ARMC2: variants seen among roughly 807,000 people sequenced by gnomAD.
ARMC2 encodes the protein armadillo repeat-containing protein 2.
Under a neutral mutation model 90.3 loss-of-function variants are expected in ARMC2, and 67 were observed. The observed-to-expected ratio is 0.74, with a 90% confidence interval of 0.61 to 0.91. The LOEUF (loss-of-function observed/expected upper bound fraction) is 0.91. Ranked by LOEUF, ARMC2 falls within the 40% of genes least tolerant of loss-of-function variation. The pLI is 0.00. For synonymous variants in ARMC2, 393 were observed against 393.0 expected (o/e 1.00, Z 0.00); for missense variants, 920 against 1,030.9 (o/e 0.89, Z 1.47).
chr6:108,962,417 C>T (rs1778062497), intron 15 of ARMC2, among the ~76,000 whole-genome samples: 1 of 152,032 alleles, frequency 6.6e-6, no homozygotes, highest in Non-Finnish European at 1.5e-5. Flanking sequence ...AAGACATTCT[C>T]TTTTATGTAC....
the ARMC2 span, among the ~76,000 whole-genome samples, chr6:108,981,186 A>AT: frequency 1.1e-4 from 16 of 152,128 alleles, no homozygotes; most frequent in African/African-American, 3.9e-4. Context: ...CTCGCCAAAC[A>AT]GCCCCCTTCA....
At chr6:109,033,922 G>A in the ARMC2 span, among the ~76,000 whole-genome samples, 1 of 152,174 alleles carries the variant, frequency 6.6e-6, no homozygotes, top group East Asian at 1.9e-4. Context: ...CGGAGGCAAG[G>A]CTCAAAGCAT....
chr6:108,921,178 ATTGT>A (rs1353412518), intron 10 of ARMC2, among the ~76,000 whole-genome samples: 6 of 152,282 alleles, frequency 3.9e-5, no homozygotes, highest in South Asian at 2.1e-4. Context: ...GCCATTCTAG[ATTGT>A]TTGTATGATA....
At chr6:108,864,423 A>G (rs889697001) in intron 3 of ARMC2, among the ~76,000 whole-genome samples, 14 of 151,702 alleles carry the variant, frequency 9.2e-5, no homozygotes, top group African/African-American at 3.4e-4. Flanking sequence ...TAATTTTTAT[A>G]TTTTTAGTAG....
At chr6:108,891,119 T>G (rs1353835597) in intron 5 of ARMC2, among the ~76,000 whole-genome samples, 1 of 152,226 alleles carries the variant, frequency 6.6e-6, no homozygotes, top group Non-Finnish European at 1.5e-5. Context: ...CCATGGTGTA[T>G]ATGTGCCACA....
rs1562332877 is a variant in ARMC2, at chr6:108,868,967, G to T, written c.435G>T (p.Leu145=). 6.2e-7 allele frequency: 1 copy of T among 1,613,534 alleles called. No individual in the cohort carries two copies. The highest frequency in any genetic ancestry group is 1.1e-5 in the South Asian group (1 of 91,024). ...GGGCTGCCTCCCAGCGGGCCCTTCT[G>T]CCGGACAGATCCCTTCCTCCCTCCG... ...LFRAASQRAL[L]PDRSLPPSDS... Residue 145 remains leucine, a synonymous_variant, in exon 4 of 18, where the codon CTG becomes CTT. Transcript: ENST00000392644.
chr6:109,006,336 A>C, the ARMC2 span, among the ~76,000 whole-genome samples: 324 of 152,156 alleles, frequency 2.1e-3, 2 homozygotes, highest in African/African-American at 7.4e-3. Context: ...TCTAGGGTAC[A>C]TGTGCACAAT....
intron 1 of ARMC2, among the ~76,000 whole-genome samples, chr6:108,852,942 A>G (rs187178037): frequency 6.6e-6 from 1 of 152,290 alleles, no homozygotes. Context: ...AATTGTGTAT[A>G]TATTTTAAAT....
chr6:108,965,512 A>C (rs1778303196), intron 17 of ARMC2, among the ~76,000 whole-genome samples: 1 of 152,140 alleles, frequency 6.6e-6, no homozygotes, highest in African/African-American at 2.4e-5. Flanking sequence ...CATGCTTTTA[A>C]ATGAAGCTAT....
chr6:109,046,931 C>A, the ARMC2 span, among the ~76,000 whole-genome samples: 1 of 120,964 alleles, frequency 8.3e-6, no homozygotes, highest in Non-Finnish European at 1.8e-5. Context: ...GCCCGGCAGC[C>A]ACCCCATCTG....
At chr6:108,991,075 ACAACAAC>A in the ARMC2 span, among the ~76,000 whole-genome samples, 15 of 149,612 alleles carry the variant, frequency 1.0e-4, no homozygotes, top group South Asian at 2.1e-4. Flanking sequence ...TCAAAAAAAA[ACAACAAC>A]AAAAAAAAAC....
At chr6:108,927,383 G>A (rs1676030929) in intron 10 of ARMC2, among the ~76,000 whole-genome samples, 1 of 152,220 alleles carries the variant, frequency 6.6e-6, no homozygotes, top group African/African-American at 2.4e-5. Context: ...CAGGCTGATG[G>A]GTGGTGAGGC....
chr6:109,028,844 C>T, the ARMC2 span, among the ~76,000 whole-genome samples: 3 of 152,094 alleles, frequency 2.0e-5, no homozygotes, highest in South Asian at 6.2e-4. Context: ...AGAACAACCC[C>T]CAAACTTTCC....
At chr6:108,984,419 A>G in the ARMC2 span, among the ~76,000 whole-genome samples, 1 of 152,172 alleles carries the variant, frequency 6.6e-6, no homozygotes, top group South Asian at 2.1e-4. Context: ...GGCACACTCT[A>G]GCTGTGTCCT....
chr6:108,991,315 C>CACT, the ARMC2 span, among the ~76,000 whole-genome samples: 6 of 152,144 alleles, frequency 3.9e-5, no homozygotes, highest in Non-Finnish European at 8.8e-5. Flanking sequence ...GATCACAGCT[C>CACT]ACTGCAGTCT....
chr6:108,967,637 A>G (rs1048346959), intron 17 of ARMC2, among the ~76,000 whole-genome samples: 3 of 152,218 alleles, frequency 2.0e-5, no homozygotes, highest in African/African-American at 7.2e-5. Flanking sequence ...ACGTTAAACC[A>G]TCTCTAGACT....
chr6:108,873,235 A>AT (rs1582975671), intron 4 of ARMC2, among the ~76,000 whole-genome samples: 2 of 151,316 alleles, frequency 1.3e-5, no homozygotes, highest in South Asian at 2.1e-4. Context: ...TCTTTCTTTG[A>AT]TTTTTTTTCT....
rs869186045 is a variant in ARMC2 at position 108,890,189 on chromosome 6, CAAAAAAAAAAAAAAAAAAAAAAAAAAAA to C, written c.672-4265_672-4238del. Among the ~76,000 whole-genome samples the C allele has an allele frequency of 7.8e-4, 50 of 64,250 alleles. 1 individual carries two copies. The East Asian group carries it at 0.035, about 45-fold the overall frequency. The allele number at this position is 64,250 out of a possible 152,430, so 42.2% of individuals were successfully genotyped here. A position where few individuals can be genotyped will look rare whatever the true frequency, so the allele number is the denominator to read the frequency against. On this transcript the variant is annotated intron_variant, in intron 5 of 17. Coordinates refer to ENST00000392644, the MANE Select transcript of ARMC2 (RefSeq NM_032131.6). ...TGGGTGACAGAGCGAGACTCCGTCTCAAAAAAAAAAAAAAAAAAAAAAAAAAAAAAAAAAAAAAAACAGTGGTTTCTTA... is the reference window on the plus strand; with the variant it reads ...TGGGTGACAGAGCGAGACTCCGTCTCAAAAAAAAAAAACAGTGGTTTCTTA...
chr6:109,010,213 A>G, the ARMC2 span, among the ~76,000 whole-genome samples: 1 of 152,150 alleles, frequency 6.6e-6, no homozygotes, highest in African/African-American at 2.4e-5. Flanking sequence ...CCTGGGTTAT[A>G]AAGACAGAAT....
Sources: allele counts gnomAD v4.1 joint callset (sites outside exome capture counted in the v4.1 genomes callset), GRCh38; gene constraint gnomAD v4.1.1; transcripts MANE v1.5; gene names NCBI Gene and HGNC (gene_info 2026-07-23, HGNC 2026-07-21).